KIF26B: variants seen among roughly 807,000 people sequenced by gnomAD.
KIF26B encodes kinesin family member 26B, also known as kinesin-like protein KIF26B.
KIF26B carries 63 observed loss-of-function variants against 151.2 expected under a neutral mutation model. The ratio of observed to expected loss-of-function variants is 0.42; its 90% CI spans 0.34 to 0.51. The LOEUF (loss-of-function observed/expected upper bound fraction) is 0.51, where lower values mean the gene tolerates loss of function less well. KIF26B is among the 20% of genes least tolerant of loss of function. The pLI, the probability that KIF26B is intolerant of heterozygous loss-of-function variation, is 0.07. For missense variants in KIF26B, 2,813 were observed against 2,913.6 expected, an observed-to-expected ratio of 0.97 and a Z score of 0.79; for synonymous variants, 1,357 against 1,262.1, an observed-to-expected ratio of 1.08 and a Z score of -1.59.
At chr1:245,289,897 A>T (rs61829583) in intron 2 of KIF26B, among the ~76,000 whole-genome samples, 3,845 of 152,248 alleles carry the variant, frequency 0.025, 73 homozygotes, top group Non-Finnish European at 0.039. Flanking sequence ...GTTCCCGACT[A>T]AGCAAACCAT....
intron 2 of KIF26B, among the ~76,000 whole-genome samples, chr1:245,342,109 GTTAGTC>G (rs1672345419): frequency 6.6e-6 from 1 of 152,214 alleles, no homozygotes; most frequent in Non-Finnish European, 1.5e-5. Context: ...CCCAAACCTT[GTTAGTC>G]TTTGGCCGTA....
intron 5 of KIF26B, among the ~76,000 whole-genome samples, chr1:245,549,526 G>A (rs375769422): frequency 2.0e-5 from 3 of 152,116 alleles, no homozygotes; most frequent in African/African-American, 7.2e-5. Flanking sequence ...TCTTGTTAAT[G>A]GATGAAAGGA....
intron 3 of KIF26B, among the ~76,000 whole-genome samples, chr1:245,384,213 C>G (rs1357518762): frequency 6.6e-6 from 1 of 152,192 alleles, no homozygotes. Flanking sequence ...AGTCCACTGT[C>G]TCTCCACAGT....
At chr1:245,195,601 C>T (rs1338352011) in intron 2 of KIF26B, among the ~76,000 whole-genome samples, 2 of 152,196 alleles carry the variant, frequency 1.3e-5, no homozygotes, top group African/African-American at 4.8e-5. Flanking sequence ...TAAGCAACAG[C>T]TGGCTCTTCT....
At chr1:245,517,846 A>G (rs1051337998) in intron 4 of KIF26B, among the ~76,000 whole-genome samples, 1 of 151,296 alleles carries the variant, frequency 6.6e-6, no homozygotes, top group African/African-American at 2.4e-5. Context: ...GCACAGGACC[A>G]TGAAAGTGAA....
intron 2 of KIF26B, among the ~76,000 whole-genome samples, chr1:245,347,141 C>T (rs894415801): frequency 2.6e-5 from 4 of 152,206 alleles, no homozygotes; most frequent in Admixed American, 6.5e-5. Context: ...CTAGTGGGCT[C>T]GAGCACCCTC....
At chr1:245,523,689 C>T (rs1661180758) in intron 4 of KIF26B, among the ~76,000 whole-genome samples, 1 of 152,166 alleles carries the variant, frequency 6.6e-6, no homozygotes. Context: ...CACCAGGGCT[C>T]CACCCTCATG....
At chr1:245,653,522 G>A (rs1178525394) in intron 10 of KIF26B, among the ~76,000 whole-genome samples, 1 of 152,112 alleles carries the variant, frequency 6.6e-6, no homozygotes, top group Non-Finnish European at 1.5e-5. Context: ...GACAACCTGT[G>A]ACATAGGTAC....
At chr1:245,260,214 C>T (rs1489496313) in intron 2 of KIF26B, among the ~76,000 whole-genome samples, 1 of 152,064 alleles carries the variant, frequency 6.6e-6, no homozygotes, top group Non-Finnish European at 1.5e-5. Context: ...CCATAGGCTT[C>T]GGTAGAAGCG....
chr1:245,530,868 T>C (rs1339091032), intron 4 of KIF26B, among the ~76,000 whole-genome samples: 2 of 152,222 alleles, frequency 1.3e-5, no homozygotes, highest in Non-Finnish European at 2.9e-5. Flanking sequence ...TTATAGCTTA[T>C]TGATTGCATA....
rs982871025 is a variant in KIF26B at position 245,354,748 on chromosome 1, G to C, written c.466-12086G>C. Among the ~76,000 whole-genome samples the C allele has an allele frequency of 2.0e-5, 3 of 152,198 alleles. No homozygotes were observed. The East Asian group carries it at 5.8e-4, about 29-fold the overall frequency. The stretch of plus-strand genomic sequence containing the variant: ...AGTACCTCCACATAAGGGAAACTGA[G>C]GTAGAGGAGAGCCGGCATTAGCTTC... On this transcript the variant is annotated intron_variant, in intron 2 of 14. Coordinates refer to ENST00000407071, the MANE Select transcript of KIF26B (RefSeq NM_018012.4).
At chr1:245,291,380 C>T (rs1013999483) in intron 2 of KIF26B, among the ~76,000 whole-genome samples, 1 of 152,164 alleles carries the variant, frequency 6.6e-6, no homozygotes, top group Non-Finnish European at 1.5e-5. Flanking sequence ...TTAGATTTAG[C>T]CCAAGTCTTG....
At position 245,640,122 on chromosome 1, in the gene KIF26B, G is replaced by GCTCGCTCTCTCTCT. The variant is rs1553299289; in HGVS notation, c.2099-5996_2099-5995insGCTCTCTCTCTCTC. Among the ~76,000 whole-genome samples the GCTCGCTCTCTCTCT allele has an allele frequency of 9.6e-4, 52 of 53,976 alleles. 4 individuals carry two copies. The highest frequency in any genetic ancestry group is 1.5e-3 in the South Asian group (2 of 1,362). 35.4% of individuals were successfully genotyped at this position (53,976 alleles called of 152,430 possible). ...CTCCTGTTTAGATCTACTAATATTT[G>GCTCGCTCTCTCTCT]CTCTCTCTCTCTCTCTCTCTCTATA... On this transcript the variant is annotated intron_variant, in intron 9 of 14. Coordinates refer to ENST00000407071, the MANE Select transcript of KIF26B (RefSeq NM_018012.4).
chr1:245,458,265 C>T (rs1659581561), intron 4 of KIF26B, among the ~76,000 whole-genome samples: 1 of 152,126 alleles, frequency 6.6e-6, no homozygotes, highest in Non-Finnish European at 1.5e-5. Context: ...GCTCTAGGTG[C>T]TAGAAAGACA....
At chr1:245,552,016 T>C (rs1661893627) in intron 5 of KIF26B, among the ~76,000 whole-genome samples, 1 of 151,408 alleles carries the variant, frequency 6.6e-6, no homozygotes, top group Admixed American at 6.6e-5. Flanking sequence ...CTTGTTCCCC[T>C]TTGAATCCAG....
chr1:245,161,520 C>T (rs549490737), intron 2 of KIF26B, among the ~76,000 whole-genome samples: 45 of 152,258 alleles, frequency 3.0e-4, no homozygotes, highest in African/African-American at 1.1e-3. Context: ...TGTTATTTGG[C>T]ATTATATCAC....
Position 245,688,038 on chromosome 1 carries a change from C to T in KIF26B, c.5055C>T (p.Ala1685=), listed in dbSNP as rs1367750982. ...SHYECLSLER[A]ESLSSVSSRL... ...ACGAATGCCTCTCCCTGGAGCGGGC[C>T]GAGAGCCTGTCCTCCGTGAGCTCCC... The change falls in exon 12 of 15, where the codon GCC becomes GCT. Residue 1685 remains alanine, a synonymous_variant. Transcript: ENST00000407071. 9 of 1,556,056 alleles carry T rather than the reference C, an allele frequency of 5.8e-6. No homozygotes were observed. The highest frequency in any genetic ancestry group is 4.8e-5 in the East Asian group (2 of 41,304).
intron 9 of KIF26B, chr1:245,615,030 G>C (rs890499895): frequency 7.2e-6 from 1 of 138,860 alleles, no homozygotes; most frequent in East Asian, 1.9e-4. Flanking sequence ...CTTTAAAATC[G>C]ACAGCACAAT....
chr1:245,559,428 G>A (rs960092026), intron 5 of KIF26B, among the ~76,000 whole-genome samples: 1 of 151,294 alleles, frequency 6.6e-6, no homozygotes, highest in African/African-American at 2.4e-5. Flanking sequence ...TTGGGTTTTT[G>A]TCGAGACGGA....
Sources: allele counts gnomAD v4.1 joint callset (sites outside exome capture counted in the v4.1 genomes callset), GRCh38; gene constraint gnomAD v4.1.1; transcripts MANE v1.5; gene names NCBI Gene and HGNC (gene_info 2026-07-23, HGNC 2026-07-21).